The following PARN variants were observed in gnomAD, a reference collection of about 807,000 sequenced individuals.
PARN encodes the protein poly(A)-specific ribonuclease.
PARN carries 71 observed loss-of-function variants against 102.8 expected under a neutral mutation model. That is an observed-to-expected ratio of 0.69 (90% CI 0.57 to 0.84). The LOEUF is 0.84. Ranked by LOEUF, PARN falls within the 40% of genes least tolerant of loss-of-function variation. The probability of loss-of-function intolerance (pLI) is 0.00; values close to 1 mark genes in which losing one functional copy is unlikely to be tolerated. For missense variants in PARN, 782 were observed against 760.9 expected (o/e 1.03, Z -0.33); for synonymous variants, 261 against 252.9 (o/e 1.03, Z -0.30).
chr16:14,498,221 A>C (rs1240917251), intron 21 of PARN, among the ~76,000 whole-genome samples: 3 of 151,832 alleles, frequency 2.0e-5, no homozygotes, highest in Non-Finnish European at 4.4e-5. Flanking sequence ...AACTGGAGAG[A>C]GAAAGAGAAT....
At chr16:14,450,934 C>CT (rs1961417861) in intron 22 of PARN, among the ~76,000 whole-genome samples, 1 of 151,956 alleles carries the variant, frequency 6.6e-6, no homozygotes, top group Non-Finnish European at 1.5e-5. Flanking sequence ...ATCCATGAGT[C>CT]TACATCAATA....
At chr16:14,552,997 T>A (rs888495563) in intron 20 of PARN, among the ~76,000 whole-genome samples, 1 of 152,070 alleles carries the variant, frequency 6.6e-6, no homozygotes, top group Non-Finnish European at 1.5e-5. Context: ...AGTAACTTTA[T>A]ATGCCTTAAC....
chr16:14,438,443 G>GGGC (rs1555475663), intron 23 of PARN, among the ~76,000 whole-genome samples: 1 of 143,792 alleles, frequency 7.0e-6, no homozygotes. Flanking sequence ...CCATTAGTTG[G>GGGC]GGGGGGGGGT....
intron 21 of PARN, among the ~76,000 whole-genome samples, chr16:14,504,054 C>A (rs1248123189): frequency 6.6e-6 from 1 of 152,130 alleles, no homozygotes; most frequent in Non-Finnish European, 1.5e-5. Flanking sequence ...TCTGTCTAAA[C>A]GAGAAGGGGC....
At chr16:14,565,493 C>A (rs1229814945) in intron 18 of PARN, among the ~76,000 whole-genome samples, 1 of 151,844 alleles carries the variant, frequency 6.6e-6, no homozygotes, top group Non-Finnish European at 1.5e-5. Context: ...CAAATTACAT[C>A]AACTAAAAAC....
chr16:14,544,304 G>C (rs919369201), intron 21 of PARN, among the ~76,000 whole-genome samples: 2 of 152,220 alleles, frequency 1.3e-5, no homozygotes, highest in African/African-American at 4.8e-5. Context: ...GCTGGGTGTG[G>C]CGGCTCACAT....
At chr16:14,467,034 C>G (rs1276875951) in intron 22 of PARN, among the ~76,000 whole-genome samples, 6 of 152,148 alleles carry the variant, frequency 3.9e-5, no homozygotes, top group Non-Finnish European at 7.4e-5. Flanking sequence ...GCTTGTGCAC[C>G]CCGCTTTTCC....
intron 5 of PARN, among the ~76,000 whole-genome samples, chr16:14,619,898 C>T (rs1490339792): frequency 7.3e-5 from 11 of 151,576 alleles, no homozygotes; most frequent in African/African-American, 2.7e-4. Flanking sequence ...GGTGAAACCC[C>T]GTCTCTACTA....
chr16:14,608,672 C>T (rs916699718), intron 8 of PARN, among the ~76,000 whole-genome samples: 1 of 152,206 alleles, frequency 6.6e-6, no homozygotes, highest in Admixed American at 6.5e-5. Context: ...ACGTTACTGA[C>T]TCTTTGAAAT....
intron 21 of PARN, among the ~76,000 whole-genome samples, chr16:14,548,517 C>T (rs996088646): frequency 2.0e-5 from 3 of 152,160 alleles, no homozygotes; most frequent in Non-Finnish European, 4.4e-5. Flanking sequence ...TACCACTTTA[C>T]GCACTAAAAA....
At chr16:14,538,917 G>A (rs1225227850) in intron 21 of PARN, among the ~76,000 whole-genome samples, 1 of 152,134 alleles carries the variant, frequency 6.6e-6, no homozygotes, top group Non-Finnish European at 1.5e-5. Context: ...CACATATGAG[G>A]AATCTAGGTT....
At chr16:14,494,739 A>G (rs1340036649) in intron 21 of PARN, among the ~76,000 whole-genome samples, 1 of 152,192 alleles carries the variant, frequency 6.6e-6, no homozygotes, top group Non-Finnish European at 1.5e-5. Flanking sequence ...AGATTCCGGG[A>G]GATCAGCAGG....
intron 22 of PARN, among the ~76,000 whole-genome samples, chr16:14,457,463 C>T (rs1961728623): frequency 6.6e-6 from 1 of 152,052 alleles, no homozygotes; most frequent in Admixed American, 6.5e-5. Flanking sequence ...GCCAAACCCT[C>T]GGAGATCACT....
chr16:14,630,153 C>A lies in PARN; in HGVS notation c.-28G>T, dbSNP rs1015636113. On this transcript the variant is annotated 5_prime_UTR_variant, in exon 1 of 24. Coordinates refer to ENST00000437198, the MANE Select transcript of PARN (RefSeq NM_002582.4). ...TGCAGAGTGGCCGGAACCTTGGCCCCACCCGGGCCCGCGCCCGCCTCAGCG... is the reference window on the plus strand; with the variant it reads ...TGCAGAGTGGCCGGAACCTTGGCCCAACCCGGGCCCGCGCCCGCCTCAGCG... 1 of 1,550,750 alleles carries A rather than the reference C, an allele frequency of 6.4e-7. No homozygotes were observed. Among genetic ancestry groups the A allele is most frequent in the African/African-American group, 1.4e-5 (1 of 73,058 alleles).
chr16:14,630,075 G>A (rs1972946822), intron 1 of PARN, 32 bp downstream of exon 1: 3 of 1,545,802 alleles, frequency 1.9e-6, no homozygotes, highest in Non-Finnish European at 1.8e-6. Context: ...GCCGGGTGTG[G>A]GGAGGCGGGG....
intron 22 of PARN, among the ~76,000 whole-genome samples, chr16:14,448,435 C>T (rs1321721801): frequency 6.6e-6 from 1 of 152,056 alleles, no homozygotes; most frequent in African/African-American, 2.4e-5. Context: ...GCTTGAGTTA[C>T]CACGCCCGGC....
intron 22 of PARN, among the ~76,000 whole-genome samples, chr16:14,451,868 A>C (rs1961465918): frequency 2.6e-5 from 1 of 38,470 alleles, no homozygotes; most frequent in Non-Finnish European, 5.2e-5. Flanking sequence ...AAAAAAAAAT[A>C]CAAAAAAAAA....
chr16:14,465,056 ATTTCT>A (rs2151577401), intron 22 of PARN, among the ~76,000 whole-genome samples: 1 of 152,208 alleles, frequency 6.6e-6, no homozygotes, highest in East Asian at 1.9e-4. Context: ...AATAGATAAG[ATTTCT>A]TTTCCTTTTC....
intron 7 of PARN, among the ~76,000 whole-genome samples, chr16:14,609,409 T>G (rs1288068000): frequency 6.6e-6 from 1 of 151,722 alleles, no homozygotes; most frequent in East Asian, 1.9e-4. Flanking sequence ...CTACAAAAAA[T>G]AAATCTTAAA....
Sources: allele counts gnomAD v4.1 joint callset (sites outside exome capture counted in the v4.1 genomes callset), GRCh38; gene constraint gnomAD v4.1.1; transcripts MANE v1.5; gene names NCBI Gene and HGNC (gene_info 2026-07-23, HGNC 2026-07-21).